The following CENPE variants were observed in gnomAD, a reference collection of about 807,000 sequenced individuals.
The protein encoded by CENPE is centromere protein E.
A neutral mutation model predicts 336.1 loss-of-function variants in CENPE; 145 were observed. That is an observed-to-expected ratio of 0.43 (90% confidence interval 0.38 to 0.50). CENPE has a LOEUF of 0.50. Ranked by LOEUF, CENPE falls within the 20% of genes least tolerant of loss-of-function variation. The pLI is 0.00. For missense variants in CENPE, 2,719 were observed against 3,023.3 expected, an observed-to-expected ratio of 0.90 and a Z score of 2.36; for synonymous variants, 1,013 against 984.8, an observed-to-expected ratio of 1.03 and a Z score of -0.54.
At chr4:103,163,858 C>T (rs2125983027) in intron 16 of CENPE, among the ~76,000 whole-genome samples, 1 of 152,080 alleles carries the variant, frequency 6.6e-6, no homozygotes, top group South Asian at 2.1e-4. Flanking sequence ...AATTAGTATG[C>T]ACTACTTGGA....
chr4:103,146,730 G>C (rs1753086340), intron 29 of CENPE, among the ~76,000 whole-genome samples: 1 of 152,216 alleles, frequency 6.6e-6, no homozygotes, highest in African/African-American at 2.4e-5. Flanking sequence ...GATATTAAAA[G>C]AATGTAAGAA....
At chr4:103,185,756 A>T (rs1318213718) in intron 9 of CENPE, 54 bp downstream of exon 9, 1 of 1,253,038 alleles carries the variant, frequency 8.0e-7, no homozygotes, top group East Asian at 2.4e-5. Context: ...GTACTTTTTA[A>T]ACCTGTAAAA....
At chr4:103,132,960 T>TATATATA (rs1751723895) in intron 41 of CENPE, 64 bp from the exon 42 acceptor site, 1 of 144,300 alleles carries the variant, frequency 6.9e-6, no homozygotes, top group African/African-American at 3.6e-5. Context: ...AATATTTTAT[T>TATATATA]TATATATATA....
chr4:103,149,090 A>C, intron 27 of CENPE, 28 bp downstream of exon 27: 3 of 1,581,080 alleles, frequency 1.9e-6, no homozygotes, highest in Non-Finnish European at 2.6e-6. Context: ...GAAACACTTA[A>C]TAGATGAAGG....
intron 8 of CENPE, among the ~76,000 whole-genome samples, chr4:103,191,286 C>A (rs1333791802): frequency 1.3e-5 from 2 of 152,142 alleles, no homozygotes; most frequent in African/African-American, 4.8e-5. Flanking sequence ...ACCCAGCCAT[C>A]CCATTACTGG....
intron 13 of CENPE, among the ~76,000 whole-genome samples, chr4:103,179,957 T>C (rs2126017244): frequency 6.6e-6 from 1 of 152,364 alleles, no homozygotes; most frequent in South Asian, 2.1e-4. Flanking sequence ...TGTTTTATAT[T>C]CTACACCAAT....
In CENPE at chr4:103,109,069, T is replaced by C; in HGVS notation, c.7745A>G (p.Asn2582Ser). The C allele has an allele frequency of 1.2e-6, 2 of 1,611,370 alleles. No individual in the cohort carries two copies. The highest frequency in any genetic ancestry group is 1.7e-5 in the Admixed American group (1 of 59,556). Residue 2582 changes from asparagine to serine, a missense_variant, in exon 48 of 49, where the codon AAT becomes AGT. Physicochemically the swap from Asn to Ser is conservative, Grantham distance 46. Coordinates refer to ENST00000265148, the MANE Select transcript of CENPE (RefSeq NM_001813.3). ...ELLSNNQHLS[N>S]EVKTWKERTL... is the part of the protein sequence containing the mutation. ...TCTTTCCTTCCAAGTTTTGACCTCA[T>C]TGGAAAGATGCTGATTATTGCTTAA...
intron 21 of CENPE, among the ~76,000 whole-genome samples, chr4:103,160,335 G>A (rs1356600306): frequency 6.6e-6 from 1 of 151,726 alleles, no homozygotes; most frequent in Non-Finnish European, 1.5e-5. Flanking sequence ...AGGGTGGGCC[G>A]TAATACTGTA....
rs1304413794 is a variant in CENPE, at chr4:103,136,178, C to T, written c.6485G>A (p.Cys2162Tyr). Reference sequence around the variant, plus strand: ...CATGATTCTGTGGAATTCCATGGAGCATCTCTGGTTTGCAGTAAAAAGTTT... The same window carrying T: ...CATGATTCTGTGGAATTCCATGGAGTATCTCTGGTTTGCAGTAAAAAGTTT... ...IEKLFTANQRCSMEFHRIMKK... is the reference protein window; with the variant it reads ...IEKLFTANQRYSMEFHRIMKK... The change falls in exon 40 of 49, where the codon TGC (cysteine) becomes TAC (tyrosine). Residue 2162 changes from cysteine (C) to tyrosine (Y), a missense_variant. Cys to Tyr is a radical substitution (Grantham distance 194). This residue lies in a region of CENPE where 2,437 missense variants were observed against 2,513.3 expected (regional missense o/e 0.97). Coordinates refer to ENST00000265148, the MANE Select transcript of CENPE (RefSeq NM_001813.3). The T allele has an allele frequency of 1.9e-6, 3 of 1,613,670 alleles. No individual in the cohort carries two copies. The highest frequency in any genetic ancestry group is 3.3e-5 in the Admixed American group (2 of 59,998).
At chr4:103,182,712 C>T (rs760582416) in intron 11 of CENPE, 50 bp downstream of exon 11, 2 of 1,473,366 alleles carry the variant, frequency 1.4e-6, no homozygotes, top group Admixed American at 2.2e-5. Context: ...ATGTTTTCTT[C>T]TTCAAGCTGA....
intron 45 of CENPE, among the ~76,000 whole-genome samples, chr4:103,116,105 C>T (rs1406460251): frequency 6.6e-6 from 1 of 152,020 alleles, no homozygotes; most frequent in Non-Finnish European, 1.5e-5. Flanking sequence ...ATAATGCTAC[C>T]TATAAATAAA....
rs1756561802 is a variant in CENPE, at chr4:103,184,246, A to C, written c.746-958T>G. ...CTAGGCTCAGTTGAGTGGCTCTACA[A>C]TAGGTTGCAGAATGAGCTCAAGTCT... is the stretch of plus-strand genomic sequence containing the variant. On this transcript the variant is annotated intron_variant, in intron 9 of 48. Coordinates refer to ENST00000265148, the MANE Select transcript of CENPE (RefSeq NM_001813.3). Among the ~76,000 whole-genome samples the C allele has an allele frequency of 2.0e-5, 3 of 152,186 alleles. No individual in the cohort carries two copies. The South Asian group carries it at 6.2e-4, about 31-fold the overall frequency.
chr4:103,160,170 A>C (rs953439538), intron 21 of CENPE, among the ~76,000 whole-genome samples: 17 of 151,992 alleles, frequency 1.1e-4, no homozygotes, highest in Non-Finnish European at 1.3e-4. Context: ...AAGTAGAAAG[A>C]AAAACTGGCA....
intron 47 of CENPE, among the ~76,000 whole-genome samples, chr4:103,109,529 A>G (rs891486606): frequency 2.0e-5 from 3 of 152,170 alleles, no homozygotes; most frequent in Non-Finnish European, 4.4e-5. Flanking sequence ...TGCTTCTTAC[A>G]GGAGATGCCA....
At chr4:103,194,545 C>T in intron 6 of CENPE, 58 bp downstream of exon 6, 1 of 1,494,638 alleles carries the variant, frequency 6.7e-7, no homozygotes, top group Non-Finnish European at 9.2e-7. Flanking sequence ...TCCAAACGTG[C>T]TTGATTGAAA....
intron 42 of CENPE, among the ~76,000 whole-genome samples, chr4:103,125,844 G>T (rs950770649): frequency 6.9e-6 from 1 of 145,064 alleles, no homozygotes; most frequent in African/African-American, 2.6e-5. Context: ...TCCAGCCTGG[G>T]TGACAGAGTG....
chr4:103,137,758 C>A (rs1301496289), intron 39 of CENPE, among the ~76,000 whole-genome samples: 1 of 152,212 alleles, frequency 6.6e-6, no homozygotes, highest in African/African-American at 2.4e-5. Context: ...CCAGGATGAT[C>A]TCTGCCTGGG....
chr4:103,196,948 G>T (rs1757788552), intron 1 of CENPE, 98 bp from the exon 2 acceptor site: 7 of 687,744 alleles, frequency 1.0e-5, no homozygotes, highest in South Asian at 6.7e-5. Flanking sequence ...TATTTTGAAA[G>T]ATAGTAACAT....
intron 44 of CENPE, among the ~76,000 whole-genome samples, chr4:103,117,112 T>C (rs1260665325): frequency 6.6e-6 from 1 of 152,132 alleles, no homozygotes; most frequent in East Asian, 1.9e-4. Flanking sequence ...AAACAAAGCA[T>C]TACTAAGTAT....
Sources: allele counts gnomAD v4.1 joint callset (sites outside exome capture counted in the v4.1 genomes callset), GRCh38; gene constraint gnomAD v4.1.1; regional missense constraint gnomAD v4.1.1; transcripts MANE v1.5; gene names NCBI Gene and HGNC (gene_info 2026-07-23, HGNC 2026-07-21).